Variants in MLXIPL observed in about 807,000 individuals in gnomAD.
MLXIPL encodes the protein MLX interacting protein like, also known as carbohydrate-responsive element-binding protein.
A neutral mutation model predicts 81.5 loss-of-function variants in MLXIPL; 49 were observed. The observed-to-expected ratio is 0.60, with a 90% CI of 0.48 to 0.76. The LOEUF is 0.76. Ranked by LOEUF, MLXIPL falls within the 30% of genes least tolerant of loss-of-function variation. The pLI is 0.00. For missense variants in MLXIPL, 1,053 were observed against 1,167.0 expected, an observed-to-expected ratio of 0.90 and a Z score of 1.42; for synonymous variants, 466 against 485.5, an observed-to-expected ratio of 0.96 and a Z score of 0.53.
the MLXIPL span, among the ~76,000 whole-genome samples, chr7:73,635,908 G>A: frequency 6.6e-6 from 1 of 152,196 alleles, no homozygotes; most frequent in Non-Finnish European, 1.5e-5. Context: ...CTCTGTTCAG[G>A]CAGAGGTGGG....
Position 73,593,630 on chromosome 7 carries a change from C to A in MLXIPL, c.*235G>T. 1.9e-6 allele frequency: 1 copy of A among 519,834 alleles called. No individual in the cohort carries two copies. Among genetic ancestry groups the A allele is most frequent in the Non-Finnish European group, 3.5e-6 (1 of 284,668 alleles). 32.2% of individuals were successfully genotyped at this position (519,834 alleles called of 1,614,324 possible). A position where few individuals can be genotyped will look rare whatever the true frequency, so the allele number is the denominator to read the frequency against. On this transcript the variant is annotated 3_prime_UTR_variant, in exon 17 of 17. Coordinates refer to ENST00000313375, the MANE Select transcript of MLXIPL (RefSeq NM_032951.3). The stretch of plus-strand genomic sequence containing the variant: ...AACACAGCGGTCCAAAGACAGCGGA[C>A]GAGTCACCCAAGGTCACGGTGCTGG...
chr7:73,619,723 G>T (rs532463166), intron 1 of MLXIPL, among the ~76,000 whole-genome samples: 6 of 151,974 alleles, frequency 3.9e-5, no homozygotes, highest in Non-Finnish European at 8.8e-5. Flanking sequence ...AAGGTCAGGA[G>T]ATCGAGACCA....
chr7:73,597,123 T>G, intron 9 of MLXIPL, 59 bp downstream of exon 9: 1 of 1,522,368 alleles, frequency 6.6e-7, no homozygotes, highest in Non-Finnish European at 8.9e-7. Flanking sequence ...AAACCCCCTG[T>G]CCTCCCCACC....
Position 73,595,982 on chromosome 7 carries a change from C to G in MLXIPL, c.2059-13G>C. 1 of 1,612,128 alleles carries G rather than the reference C, an allele frequency of 6.2e-7. No individual in the cohort carries two copies. Among genetic ancestry groups the G allele is most frequent in the African/African-American group, 1.3e-5 (1 of 75,038 alleles). On this transcript the variant is annotated splice_polypyrimidine_tract_variant and intron_variant, in intron 13 of 16. Transcript: ENST00000313375. ...TAGCTTTGCTCACCTGCAGACGCCA[C>G]CAGGGGGGCTCAGGCAGGTGCTAGA...
At chr7:73,636,117 G>C in the MLXIPL span, among the ~76,000 whole-genome samples, 1 of 152,158 alleles carries the variant, frequency 6.6e-6, no homozygotes, top group Non-Finnish European at 1.5e-5. Flanking sequence ...GACCTCAAAA[G>C]ACAAAGTGGA....
chr7:73,601,176 A>AGTGT (rs55639253), intron 7 of MLXIPL, among the ~76,000 whole-genome samples: 4,380 of 137,636 alleles, frequency 0.032, 72 homozygotes, highest in African/African-American at 0.05. Context: ...TGCAGGGTCA[A>AGTGT]GTGTGTGTGT....
At chr7:73,603,499 C>T (rs552945059) in intron 7 of MLXIPL, among the ~76,000 whole-genome samples, 1 of 152,210 alleles carries the variant, frequency 6.6e-6, no homozygotes, top group African/African-American at 2.4e-5. Flanking sequence ...GCCCCCACCC[C>T]CTCCCGGGAC....
the MLXIPL span, among the ~76,000 whole-genome samples, chr7:73,643,317 A>G: frequency 6.6e-6 from 1 of 152,134 alleles, no homozygotes; most frequent in Non-Finnish European, 1.5e-5. Context: ...GATCGAGACC[A>G]GCCTGACTAA....
At chr7:73,602,126 G>GCCTTCCTTCCTT (rs1317199546) in intron 7 of MLXIPL, among the ~76,000 whole-genome samples, 878 of 76,050 alleles carry the variant, frequency 0.012, 13 homozygotes, top group African/African-American at 0.025. Context: ...CTGCCTGCCT[G>GCCTTCCTTCCTT]CCTGCCTTCC....
At chr7:73,639,886 G>A in the MLXIPL span, among the ~76,000 whole-genome samples, 23 of 151,050 alleles carry the variant, frequency 1.5e-4, no homozygotes, top group East Asian at 3.9e-4. Context: ...GTGAAACCCC[G>A]TCTCCACTAA....
At chr7:73,598,225 C>T (rs982040392) in intron 8 of MLXIPL, among the ~76,000 whole-genome samples, 4 of 152,066 alleles carry the variant, frequency 2.6e-5, no homozygotes, top group South Asian at 2.1e-4. Flanking sequence ...TCCATCCATC[C>T]GTCTTCCATC....
At chr7:73,595,098 G>A (rs1794167178) in intron 15 of MLXIPL, among the ~76,000 whole-genome samples, 2 of 151,800 alleles carry the variant, frequency 1.3e-5, no homozygotes, top group South Asian at 4.2e-4. Context: ...CACCTGCCTC[G>A]GCCTCCCAAA....
the MLXIPL span, among the ~76,000 whole-genome samples, chr7:73,647,655 C>T: frequency 2.6e-5 from 4 of 152,184 alleles, no homozygotes; most frequent in Non-Finnish European, 5.9e-5. Flanking sequence ...CCCAGCTGAG[C>T]CAGAGACGCG....
chr7:73,618,559 G>C (rs2116478896), intron 1 of MLXIPL, among the ~76,000 whole-genome samples: 1 of 147,130 alleles, frequency 6.8e-6, no homozygotes, highest in Admixed American at 7.0e-5. Context: ...CCAAGTTCCT[G>C]TGTTTGCTTT....
chr7:73,640,801 A>C, the MLXIPL span, among the ~76,000 whole-genome samples: 9 of 151,766 alleles, frequency 5.9e-5, no homozygotes, highest in Non-Finnish European at 5.9e-5. Context: ...AAAAGGAGAA[A>C]AAAAAGAACA....
rs1554597884 is a variant in MLXIPL at position 73,605,942 on chromosome 7, C to G, written c.788G>C (p.Gly263Ala). Reference sequence around the variant, plus strand: ...AGGCGGCAGCTGCAGGGGCGAAGGGCCGGACTGAGTCATGGTGAAGAGAGT... The same window carrying G: ...AGGCGGCAGCTGCAGGGGCGAAGGGGCGGACTGAGTCATGGTGAAGAGAGT... The part of the protein sequence containing the change: ...SDTLFTMTQS[G>A]PSPLQLPPED... The change falls in exon 6 of 17, where the codon GGC (glycine) becomes GCC (alanine). Residue 263 changes from glycine to alanine, a missense_variant. By Grantham distance (60) the Gly-to-Ala change is moderately conservative. This residue lies in a region of MLXIPL where 823 missense variants were observed against 933.0 expected (regional missense o/e 0.88). Coordinates refer to ENST00000313375, the MANE Select transcript of MLXIPL (RefSeq NM_032951.3). 1.9e-6 allele frequency: 3 copies of G among 1,594,932 alleles called. No homozygotes were observed. In the African/African-American group the frequency reaches 4.0e-5, roughly 21 times the overall value.
chr7:73,597,492 G>C lies in MLXIPL; in HGVS notation c.1293C>G (p.Phe431Leu). 1 of 1,412,022 alleles carries C rather than the reference G, an allele frequency of 7.1e-7. No individual in the cohort carries two copies. Among genetic ancestry groups the C allele is most frequent in the East Asian group, 2.6e-5 (1 of 37,752 alleles). The allele number at this position is 1,412,022 out of a possible 1,614,324, so 87.5% of individuals were successfully genotyped here. A position where few individuals can be genotyped will look rare whatever the true frequency, so the allele number is the denominator to read the frequency against. The change falls in exon 9 of 17, where the codon TTC becomes TTG. Residue 431 changes from phenylalanine to leucine, a missense_variant. By Grantham distance (22) the Phe-to-Leu change is conservative. Around this residue, in one of 3 missense-constraint regions of MLXIPL, gnomAD observed 823 missense variants for 933.0 expected, o/e 0.88. Transcript: ENST00000313375. The part of the protein sequence containing the change: ...PTALLQEEPL[F>L]SPRFPFPTVP... ...CGGTGGGGAAGGGAAACCTGGGAGA[G>C]AAGAGAGGCTCTTCCTGCAGCAAAG...
At chr7:73,615,985 T>C in intron 2 of MLXIPL, 86 bp downstream of exon 2, 1 of 1,094,818 alleles carries the variant, frequency 9.1e-7, no homozygotes, top group Non-Finnish European at 1.4e-6. Context: ...GGGATTTTCC[T>C]GGGCAGCCAC....
At chr7:73,609,675 T>C (rs1474615372) in intron 2 of MLXIPL, 1 of 151,192 alleles carries the variant, frequency 6.6e-6, no homozygotes, top group African/African-American at 2.4e-5. Context: ...GGATGGAGTG[T>C]GTGTGTGTGT....
Sources: allele counts gnomAD v4.1 joint callset (sites outside exome capture counted in the v4.1 genomes callset), GRCh38; gene constraint gnomAD v4.1.1; regional missense constraint gnomAD v4.1.1; transcripts MANE v1.5; gene names NCBI Gene and HGNC (gene_info 2026-07-23, HGNC 2026-07-21).